Variants in UEVLD observed in about 807,000 individuals in gnomAD.
UEVLD encodes the protein ubiquitin-conjugating enzyme E2 variant 3.
In UEVLD, 47 loss-of-function variants were observed where a neutral mutation model predicts 58.6. That is an observed-to-expected ratio of 0.80 (90% CI 0.63 to 1.02). The LOEUF (loss-of-function observed/expected upper bound fraction) is 1.02. UEVLD is among the 50% of genes least tolerant of loss of function. The pLI, the probability that UEVLD is intolerant of heterozygous loss-of-function variation, is 0.00. For synonymous variants in UEVLD, 197 were observed against 195.3 expected, an observed-to-expected ratio of 1.01 and a Z score of -0.07; for missense variants, 510 against 550.6, an observed-to-expected ratio of 0.93 and a Z score of 0.74.
chr11:18,537,295 A>G (rs192169746), intron 9 of UEVLD, among the ~76,000 whole-genome samples: 1 of 148,460 alleles, frequency 6.7e-6, no homozygotes, highest in East Asian at 2.0e-4. Context: ...CTGCATACAC[A>G]GACTGGAAAT....
intron 6 of UEVLD, among the ~76,000 whole-genome samples, chr11:18,563,224 A>C (rs1852129351): frequency 6.6e-6 from 1 of 152,242 alleles, no homozygotes; most frequent in South Asian, 2.1e-4. Context: ...TCCAAAGAGC[A>C]ATCTGGCACT....
At chr11:18,537,134 C>T (rs1026310318) in intron 9 of UEVLD, among the ~76,000 whole-genome samples, 1 of 151,438 alleles carries the variant, frequency 6.6e-6, no homozygotes, top group Non-Finnish European at 1.5e-5. Context: ...CTCCTGACCT[C>T]GTAATCCACC....
chr11:18,537,566 G>A (rs988984659), intron 9 of UEVLD, among the ~76,000 whole-genome samples: 1 of 151,146 alleles, frequency 6.6e-6, no homozygotes, highest in Non-Finnish European at 1.5e-5. Context: ...CCTGACCTCA[G>A]GTGATTCACC....
chr11:18,563,105 A>G (rs1852124781), intron 6 of UEVLD, among the ~76,000 whole-genome samples: 1 of 92,286 alleles, frequency 1.1e-5, no homozygotes, highest in Non-Finnish European at 2.3e-5. Flanking sequence ...GTGCTTACCA[A>G]AAAAAAAAAA....
chr11:18,547,105 T>C lies in UEVLD; in HGVS notation c.716-55A>G, dbSNP rs563949162. On this transcript the variant is annotated intron_variant, in intron 7 of 11. Transcript: ENST00000396197. The stretch of plus-strand genomic sequence containing the variant: ...GAAGATACAGGCTTTAATCAAGTTC[T>C]AGTTCACGATTAAAAGGTTGTTCTT... 8.4e-6 allele frequency: 13 copies of C among 1,543,284 alleles called. No homozygotes were observed. The South Asian group carries it at 1.5e-4, about 17-fold the overall frequency.
chr11:18,570,444 C>T (rs186825387), intron 3 of UEVLD, 67 bp from the exon 4 acceptor site: 161 of 1,400,264 alleles, frequency 1.1e-4, no homozygotes, highest in Middle Eastern at 4.1e-4. Context: ...TATAGCTAGG[C>T]GGCATTTTAA....
chr11:18,538,065 C>T (rs765839210), intron 9 of UEVLD, among the ~76,000 whole-genome samples: 1 of 152,160 alleles, frequency 6.6e-6, no homozygotes, highest in Non-Finnish European at 1.5e-5. Flanking sequence ...CAAATCTGTA[C>T]ATATTTGAGT....
chr11:18,567,158 A>G (rs1211973524), intron 4 of UEVLD, among the ~76,000 whole-genome samples: 1 of 152,222 alleles, frequency 6.6e-6, no homozygotes, highest in Non-Finnish European at 1.5e-5. Flanking sequence ...ACCGTTATCA[A>G]ATCAGAAAAT....
chr11:18,538,072 G>A lies in UEVLD; in HGVS notation c.1061-1603C>T, dbSNP rs1850886040. Among the ~76,000 whole-genome samples, 4 of 152,114 alleles carry A rather than the reference G, an allele frequency of 2.6e-5. No individual in the cohort carries two copies. The South Asian group carries it at 8.3e-4, about 31-fold the overall frequency. Reference sequence around the variant, plus strand: ...GTTTGGTACAAATCTGTACATATTTGAGTAGGCAAAACAAAAATACTTGTG... The same window carrying A: ...GTTTGGTACAAATCTGTACATATTTAAGTAGGCAAAACAAAAATACTTGTG... On this transcript the variant is annotated intron_variant, in intron 9 of 11. Coordinates refer to ENST00000396197, the MANE Select transcript of UEVLD (RefSeq NM_001040697.4).
At chr11:18,567,263 T>TA (rs1417400758) in intron 4 of UEVLD, among the ~76,000 whole-genome samples, 2 of 152,220 alleles carry the variant, frequency 1.3e-5, no homozygotes, top group African/African-American at 2.4e-5. Flanking sequence ...AGCTTCAGTG[T>TA]CATCAGTAAT....
intron 4 of UEVLD, among the ~76,000 whole-genome samples, chr11:18,569,577 G>A (rs1305498734): frequency 1.3e-5 from 2 of 152,070 alleles, no homozygotes; most frequent in Admixed American, 1.3e-4. Flanking sequence ...TTACGTTAGG[G>A]CAATTTGTAA....
chr11:18,552,534 G>A (rs1851571652), intron 7 of UEVLD, among the ~76,000 whole-genome samples: 1 of 151,648 alleles, frequency 6.6e-6, no homozygotes, highest in Non-Finnish European at 1.5e-5. Context: ...GCAACCGAGC[G>A]AGACTGTCTC....
chr11:18,564,838 G>C, intron 6 of UEVLD, 54 bp downstream of exon 6: 1 of 1,343,452 alleles, frequency 7.4e-7, no homozygotes, highest in Non-Finnish European at 1.1e-6. Context: ...AACACAACCT[G>C]CCTAGAAGTG....
chr11:18,542,645 C>T (rs561876859), intron 9 of UEVLD, among the ~76,000 whole-genome samples: 1 of 151,956 alleles, frequency 6.6e-6, no homozygotes, highest in Admixed American at 6.6e-5. Flanking sequence ...TTTTACTACA[C>T]AGAAAACTAT....
chr11:18,548,751 A>G (rs1481670834), intron 7 of UEVLD, among the ~76,000 whole-genome samples: 1 of 152,230 alleles, frequency 6.6e-6, no homozygotes, highest in Non-Finnish European at 1.5e-5. Context: ...AACAAGTTTC[A>G]GAAGGAAACA....
At chr11:18,579,551 G>A in intron 1 of UEVLD, 1 of 948,448 alleles carries the variant, frequency 1.1e-6, no homozygotes, top group Non-Finnish European at 1.3e-6. Flanking sequence ...CCACCTTCCT[G>A]GCACTGCATC....
At chr11:18,567,981 C>T (rs948065282) in intron 4 of UEVLD, among the ~76,000 whole-genome samples, 1 of 151,990 alleles carries the variant, frequency 6.6e-6, no homozygotes, top group African/African-American at 2.4e-5. Flanking sequence ...CCTGTCTGTA[C>T]AAAAAATTTT....
At chr11:18,536,545 G>T in intron 9 of UEVLD, 76 bp from the exon 10 acceptor site, 1 of 1,237,068 alleles carries the variant, frequency 8.1e-7, no homozygotes, top group Non-Finnish European at 1.2e-6. Flanking sequence ...ATCTTTTGGA[G>T]TCAAGGGTAC....
intron 3 of UEVLD, among the ~76,000 whole-genome samples, chr11:18,572,920 G>A (rs543496266): frequency 5.1e-4 from 78 of 152,164 alleles, no homozygotes; most frequent in African/African-American, 1.8e-3. Context: ...ATTCATTTAA[G>A]CCTTACAACT....
Sources: allele counts gnomAD v4.1 joint callset (sites outside exome capture counted in the v4.1 genomes callset), GRCh38; gene constraint gnomAD v4.1.1; transcripts MANE v1.5; gene names NCBI Gene and HGNC (gene_info 2026-07-23, HGNC 2026-07-21).